The following DAB1 variants were observed in gnomAD, a reference collection of about 807,000 sequenced individuals.
DAB1 encodes the protein disabled homolog 1.
DAB1 carries 15 observed loss-of-function variants against 64.6 expected under a neutral mutation model. The observed-to-expected ratio is 0.23, with a 90% CI of 0.16 to 0.36. The LOEUF (loss-of-function observed/expected upper bound fraction) is 0.36, where lower values mean the gene tolerates loss of function less well. Among genes scored for constraint, DAB1 ranks in the 10% least tolerant of loss-of-function variants. The pLI is 1.00. For missense variants in DAB1, 596 were observed against 706.7 expected, an observed-to-expected ratio of 0.84 and a Z score of 1.78; for synonymous variants, 235 against 251.9, an observed-to-expected ratio of 0.93 and a Z score of 0.64.
exon 5 of DAB1, chr1:58,150,523 C>T (rs1654860887): frequency 6.6e-6 from 1 of 151,170 alleles, no homozygotes; most frequent in Admixed American, 6.6e-5. Flanking sequence ...CAAAGGATTT[C>T]TTCTTGGACT....
rs1027588977 is a variant in DAB1, at chr1:57,615,386, C to T, written n.625+34206G>A. Among the ~76,000 whole-genome samples the T allele has an allele frequency of 3.9e-5, 6 of 152,266 alleles. No homozygotes were observed. The Middle Eastern group carries it at 0.01, about 259-fold the overall frequency. ...TTCTTTCTACATCTGCTACTTGGAACGTGGATGTAATGGCTGAAGAGCCAT... is the reference window on the plus strand; with the variant it reads ...TTCTTTCTACATCTGCTACTTGGAATGTGGATGTAATGGCTGAAGAGCCAT... On this transcript the variant is annotated intron_variant and non_coding_transcript_variant, in intron 7 of 20. Coordinates refer to the DAB1 transcript ENST00000485760.
chr1:57,876,965 G>A (rs948030256), intron 1 of DAB1: 2 of 152,212 alleles, frequency 1.3e-5, no homozygotes, highest in African/African-American at 4.8e-5. Flanking sequence ...AAGTTGCAGT[G>A]AGGAAGGGGC....
intron 4 of DAB1, among the ~76,000 whole-genome samples, chr1:58,284,375 C>A (rs1436925595): frequency 6.6e-6 from 1 of 152,256 alleles, no homozygotes; most frequent in Non-Finnish European, 1.5e-5. Context: ...TTGGCTTTGA[C>A]ATGAACCCAC....
At chr1:57,402,391 T>C (rs976218333) in intron 1 of DAB1, among the ~76,000 whole-genome samples, 1 of 152,222 alleles carries the variant, frequency 6.6e-6, no homozygotes, top group Non-Finnish European at 1.5e-5. Flanking sequence ...ATTAAATAAA[T>C]AGCTTCATGC....
In DAB1 at chr1:58,309,530, A is replaced by G. The variant is rs949157969; in HGVS notation, n.309+33822T>C. Among the ~76,000 whole-genome samples the G allele has an allele frequency of 1.3e-4, 20 of 152,318 alleles. No homozygotes were observed. The East Asian group carries it at 3.9e-3, about 29-fold the overall frequency. Reference sequence around the variant, plus strand: ...TAAATGAGGAAACTAAAGCTCAAACAGACTCAGTAACTTGTCCCAGATACA... The same window carrying G: ...TAAATGAGGAAACTAAAGCTCAAACGGACTCAGTAACTTGTCCCAGATACA... On this transcript the variant is annotated intron_variant and non_coding_transcript_variant, in intron 4 of 20. Transcript: ENST00000485760.
intron 2 of DAB1, among the ~76,000 whole-genome samples, chr1:57,248,132 C>T (rs669931): frequency 0.59 from 89,113 of 151,736 alleles, 26,352 homozygotes; most frequent in Admixed American, 0.66. Flanking sequence ...TCCTCCTGTA[C>T]ACTTTAAATC....
intron 6 of DAB1, among the ~76,000 whole-genome samples, chr1:57,820,275 C>T (rs184157628): frequency 2.0e-5 from 3 of 152,176 alleles, no homozygotes; most frequent in Non-Finnish European, 4.4e-5. Context: ...ATCTTAAAAA[C>T]AATTAATGTC....
At chr1:57,704,549 T>G (rs556523169) in intron 6 of DAB1, among the ~76,000 whole-genome samples, 3 of 152,340 alleles carry the variant, frequency 2.0e-5, no homozygotes, top group East Asian at 3.9e-4. Flanking sequence ...GGAACCTGGA[T>G]AGCTTCCATT....
chr1:57,968,000 T>G (rs996641722), intron 5 of DAB1, among the ~76,000 whole-genome samples: 1 of 152,202 alleles, frequency 6.6e-6, no homozygotes, highest in African/African-American at 2.4e-5. Context: ...GCGCCGAACA[T>G]GTAATAAATA....
chr1:58,486,520 T>G (rs148923414), intron 3 of DAB1, among the ~76,000 whole-genome samples: 1 of 152,356 alleles, frequency 6.6e-6, no homozygotes, highest in African/African-American at 2.4e-5. Flanking sequence ...TTATCCTGCC[T>G]ATTATTACAC....
At position 57,481,601 on chromosome 1, in the gene DAB1, G is replaced by A. The variant is rs916951007; in HGVS notation, n.625+167991C>T. Among the ~76,000 whole-genome samples, 16 of 152,220 alleles carry A rather than the reference G, an allele frequency of 1.1e-4. 1 individual carries two copies. Among genetic ancestry groups the A allele is most frequent in the African/African-American group, 3.6e-4 (15 of 41,544 alleles). On this transcript the variant is annotated intron_variant and non_coding_transcript_variant, in intron 7 of 20. Transcript: ENST00000485760. ...GGAGGCCAAGGTGGGCAGATCACCT[G>A]AGGTCAAGAGTTTGAGATCAGCCTG...
intron 4 of DAB1, among the ~76,000 whole-genome samples, chr1:58,226,019 A>G (rs1387911483): frequency 3.3e-5 from 5 of 151,084 alleles, no homozygotes; most frequent in Admixed American, 2.6e-4. Flanking sequence ...TAAATTCACA[A>G]GGGAGCTTGA....
At chr1:58,351,910 G>A (rs1644062428) in intron 3 of DAB1, among the ~76,000 whole-genome samples, 1 of 148,616 alleles carries the variant, frequency 6.7e-6, no homozygotes, top group South Asian at 2.2e-4. Flanking sequence ...TAACCTCAGA[G>A]TTGATATTTT....
intron 1 of DAB1, among the ~76,000 whole-genome samples, chr1:57,303,537 T>A (rs1428869796): frequency 6.6e-6 from 1 of 152,058 alleles, no homozygotes; most frequent in Non-Finnish European, 1.5e-5. Flanking sequence ...TCAGACTCTA[T>A]CCACTGGTAG....
At chr1:57,548,608 G>C (rs1467874042) in intron 7 of DAB1, among the ~76,000 whole-genome samples, 3 of 152,164 alleles carry the variant, frequency 2.0e-5, no homozygotes, top group East Asian at 1.9e-4. Context: ...TATGTGATGA[G>C]GACTTAACAG....
At chr1:57,766,266 TA>T (rs59419561) in intron 6 of DAB1, among the ~76,000 whole-genome samples, 81,369 of 141,420 alleles carry the variant, frequency 0.58, 22,865 homozygotes, top group East Asian at 0.65. Flanking sequence ...GCAGGCAGAT[TA>T]AAAAAAAAAA....
rs149324767 is a variant in DAB1 at position 58,011,236 on chromosome 1, G to A, written n.388-127074C>T. Among the ~76,000 whole-genome samples, 1,053 of 152,268 alleles carry A rather than the reference G, an allele frequency of 6.9e-3. 14 individuals carry two copies. Among genetic ancestry groups the A allele is most frequent in the African/African-American group, 0.024 (1,005 of 41,558 alleles). On this transcript the variant is annotated intron_variant and non_coding_transcript_variant, in intron 5 of 20. Coordinates refer to the DAB1 transcript ENST00000485760. The stretch of plus-strand genomic sequence containing the variant: ...AGGAATGAGGAAAATAGTCTCTACC[G>A]GTTTATACTAATCCCCCAGGTGGTA...
At chr1:58,468,733 G>GCT (rs900206688) in intron 3 of DAB1, 1 of 152,368 alleles carries the variant, frequency 6.6e-6, no homozygotes, top group Non-Finnish European at 1.5e-5. Context: ...GAAAGTTTTG[G>GCT]CCAGGTCAAC....
chr1:57,995,744 G>A (rs919742670), intron 5 of DAB1, among the ~76,000 whole-genome samples: 1 of 151,798 alleles, frequency 6.6e-6, no homozygotes, highest in Non-Finnish European at 1.5e-5. Flanking sequence ...GGGTAACCTT[G>A]AAAACTTTGA....
Sources: allele counts gnomAD v4.1 joint callset (sites outside exome capture counted in the v4.1 genomes callset), GRCh38; gene constraint gnomAD v4.1.1; transcripts MANE v1.5; gene names NCBI Gene and HGNC (gene_info 2026-07-23, HGNC 2026-07-21).